The following KRT2 variants were observed in gnomAD, a reference collection of about 807,000 sequenced individuals.
The protein encoded by KRT2 is keratin 2.
A neutral mutation model predicts 48.5 loss-of-function variants in KRT2; 37 were observed. That is an observed-to-expected ratio of 0.76 (90% confidence interval 0.59 to 1.00). The LOEUF is 1.00. Ranked by LOEUF, KRT2 falls within the 50% of genes least tolerant of loss-of-function variation. The pLI, the probability that KRT2 is intolerant of heterozygous loss-of-function variation, is 0.00. For missense variants in KRT2, 880 were observed against 815.2 expected (o/e 1.08, Z -0.97); for synonymous variants, 324 against 312.2 (o/e 1.04, Z -0.40).
Position 52,644,678 on chromosome 12 carries a change from A to G in KRT2, c.*341T>C, listed in dbSNP as rs1440497767. On this transcript the variant is annotated 3_prime_UTR_variant, in exon 9 of 9. Coordinates refer to ENST00000309680, the MANE Select transcript of KRT2 (RefSeq NM_000423.3). Reference sequence around the variant, plus strand: ...CCCCCCAGCACTGCCAGGCTTAGAGATGAAATCCCTGGATGGGCCTGGGTC... The same window carrying G: ...CCCCCCAGCACTGCCAGGCTTAGAGGTGAAATCCCTGGATGGGCCTGGGTC... 11 of 370,836 alleles carry G rather than the reference A, an allele frequency of 3.0e-5. 1 individual carries two copies. In the Admixed American group the frequency reaches 4.5e-4, roughly 15 times the overall value. 23.0% of individuals were successfully genotyped at this position (370,836 alleles called of 1,614,324 possible).
intron 4 of KRT2, 21 bp downstream of exon 4, chr12:52,648,986 G>A (rs757358747): frequency 6.9e-7 from 1 of 1,443,718 alleles, no homozygotes; most frequent in Non-Finnish European, 9.8e-7. Flanking sequence ...GTAAGGGACT[G>A]TCCCGGAGCA....
chr12:52,646,938 A>G lies in KRT2; in HGVS notation c.1271T>C (p.Ile424Thr). Reference sequence around the variant, plus strand: ...CTCCCCACGCTGCTCGGCATCTGCGATGGCATCTTGCACATTCTTACACTA... The same window carrying G: ...CTCCCCACGCTGCTCGGCATCTGCGGTGGCATCTTGCACATTCTTACACTA... ...KKQCKNVQDA[I>T]ADAEQRGEHA... The change falls in exon 7 of 9, where the codon ATC (isoleucine) becomes ACC (threonine). Residue 424 changes from isoleucine (I) to threonine (T), a missense_variant. By Grantham distance (89) the Ile-to-Thr change is moderately conservative (BLOSUM62 -1). Transcript: ENST00000309680. The G allele has an allele frequency of 1.2e-6, 2 of 1,614,122 alleles. No homozygotes were observed. Among genetic ancestry groups the G allele is most frequent in the South Asian group, 2.2e-5 (2 of 91,082 alleles).
chr12:52,645,633 T>C, intron 7 of KRT2, 64 bp from the exon 8 acceptor site: 3 of 1,539,696 alleles, frequency 1.9e-6, no homozygotes, highest in Non-Finnish European at 2.7e-6. Context: ...CATGTTGTTT[T>C]ACCACTTCCA....
Position 52,645,578 on chromosome 12 carries a change from G to C in KRT2, c.1470-9C>G. On this transcript the variant is annotated splice_polypyrimidine_tract_variant and intron_variant, in intron 7 of 8. Coordinates refer to ENST00000309680, the MANE Select transcript of KRT2 (RefSeq NM_000423.3). Reference sequence around the variant, plus strand: ...TGAGGTCTCCAGACATCCTGTAAGGGAGAGAGAAAAAACAAGTTGTGGTGG... The same window carrying C: ...TGAGGTCTCCAGACATCCTGTAAGGCAGAGAGAAAAAACAAGTTGTGGTGG... 6.2e-7 allele frequency: 1 copy of C among 1,614,066 alleles called. No individual in the cohort carries two copies. The highest frequency in any genetic ancestry group is 8.5e-7 in the Non-Finnish European group (1 of 1,179,930).
intron 2 of KRT2, 36 bp downstream of exon 2, chr12:52,650,303 G>A: frequency 6.4e-7 from 1 of 1,561,512 alleles, no homozygotes. Flanking sequence ...TCAGTGCAAT[G>A]TTTATCTCCA....
At chr12:52,646,302 G>A (rs960920527) in intron 7 of KRT2, among the ~76,000 whole-genome samples, 1 of 152,136 alleles carries the variant, frequency 6.6e-6, no homozygotes, top group African/African-American at 2.4e-5. Context: ...CAAAGAACTG[G>A]GGCTGGCACC....
rs145809795 is a variant in KRT2 at position 52,646,892 on chromosome 12, C to T, written c.1317G>A (p.Arg439=). Residue 439 remains arginine (R), a synonymous_variant, in exon 7 of 9, where the codon AGG becomes AGA. Transcript: ENST00000309680. The stretch of plus-strand genomic sequence containing the variant: ...CCTCCTCCAGGTCATTCAACTTGTT[C>T]CTGGCATCCTTGAGGGCATGCTCCC... ...QRGEHALKDA[R]NKLNDLEEAL... 6 of 1,614,104 alleles carry T rather than the reference C, an allele frequency of 3.7e-6. No homozygotes were observed. In the African/African-American group the frequency reaches 5.3e-5, roughly 14 times the overall value.
intron 5 of KRT2, 112 bp downstream of exon 5, chr12:52,648,061 C>T (rs1478022852): frequency 7.5e-7 from 1 of 1,329,406 alleles, no homozygotes; most frequent in Non-Finnish European, 1.1e-6. Context: ...GGGAATGGTG[C>T]CCAACTACCA....
At position 52,649,798 on chromosome 12, in the gene KRT2, C is replaced by T; in HGVS notation, c.861+116G>A. ...AGAGAATGTGCCATGGGTCTCACTC[C>T]TTTCTCTGGCTGCTGCTTTTGCACT... On this transcript the variant is annotated intron_variant, in intron 3 of 8. Transcript: ENST00000309680. 3 of 824,512 alleles carry T rather than the reference C, an allele frequency of 3.6e-6. No homozygotes were observed. In the South Asian group the frequency reaches 4.0e-5, roughly 11 times the overall value. The allele number at this position is 824,512 out of a possible 1,614,324, so 51.1% of individuals were successfully genotyped here. A position where few individuals can be genotyped will look rare whatever the true frequency, so the allele number is the denominator to read the frequency against.
chr12:52,651,748 A>C lies in KRT2; in HGVS notation c.395T>G (p.Val132Gly), dbSNP rs746953206. ...GCCACCAGGACCCCCTAAACCTCCA[A>C]CACCACCAGGGCCCCCAAAACCTCC... ...RFGGFGGPGG[V>G]GGLGGPGGFG... The change falls in exon 1 of 9, where the codon GTT becomes GGT. Residue 132 changes from valine to glycine, a missense_variant. Physicochemically the swap from Val to Gly is moderately radical, Grantham distance 109. Transcript: ENST00000309680. 6.2e-7 allele frequency: 1 copy of C among 1,613,746 alleles called. No homozygotes were observed. Among genetic ancestry groups the C allele is most frequent in the Non-Finnish European group, 8.5e-7 (1 of 1,179,926 alleles).
Position 52,651,218 on chromosome 12 carries a change from C to T in KRT2, c.585+340G>A, listed in dbSNP as rs143328488. ...AGGAAGGAAACACTATCTCAGAAGA[C>T]GATGGCTTCCAAAACCTGCTGCTCC... On this transcript the variant is annotated intron_variant, in intron 1 of 8. Coordinates refer to ENST00000309680, the MANE Select transcript of KRT2 (RefSeq NM_000423.3). Among the ~76,000 whole-genome samples the T allele has an allele frequency of 3.0e-3, 464 of 152,344 alleles. 2 individuals are homozygous for T. The highest frequency in any genetic ancestry group is 0.011 in the African/African-American group (438 of 41,580).
Position 52,649,024 on chromosome 12 carries a change from T to C in KRT2, c.940A>G (p.Lys314Glu), listed in dbSNP as rs139316403. The C allele has an allele frequency of 9.3e-5, 150 of 1,610,278 alleles. No individual in the cohort carries two copies. In the East Asian group the frequency reaches 3.0e-3, roughly 33 times the overall value. ...CTCCTTACCGCATCATAGAGAACTT[T>C]CAGAAACTCAATTTCCTGGTTCAGC... ...DLLNQEIEFL[K>E]VLYDAEISQI... The change falls in exon 4 of 9, where the codon AAA becomes GAA. Residue 314 changes from lysine to glutamate, a missense_variant. Lys to Glu is a moderately conservative substitution (Grantham distance 56, BLOSUM62 1). Transcript: ENST00000309680.
At chr12:52,648,758 A>G (rs1373156368) in intron 4 of KRT2, among the ~76,000 whole-genome samples, 2 of 152,200 alleles carry the variant, frequency 1.3e-5, no homozygotes, top group African/African-American at 4.8e-5. Flanking sequence ...GGAAATGGAC[A>G]TCTGGGGAAT....
At chr12:52,647,641 T>A in intron 6 of KRT2, 89 bp downstream of exon 6, 1 of 1,477,922 alleles carries the variant, frequency 6.8e-7, no homozygotes. Context: ...GTGTCTCTCA[T>A]CTCTCACATG....
intron 3 of KRT2, 24 bp downstream of exon 3, chr12:52,649,890 C>A: frequency 6.2e-7 from 1 of 1,602,858 alleles, no homozygotes; most frequent in Non-Finnish European, 8.5e-7. Context: ...TCCCCACCCC[C>A]AGCCAAGACA....
chr12:52,651,425 A>G (rs1941245410), intron 1 of KRT2, 133 bp downstream of exon 1: 1 of 755,312 alleles, frequency 1.3e-6, no homozygotes, highest in Admixed American at 2.0e-5. Context: ...CCATCTGGAA[A>G]CCGCAAATGA....
chr12:52,647,916 T>G, intron 5 of KRT2, 61 bp from the exon 6 acceptor site: 1 of 1,602,492 alleles, frequency 6.2e-7, no homozygotes, highest in Non-Finnish European at 8.5e-7. Context: ...CATTCCAGAC[T>G]GACTGGAGTG....
At chr12:52,650,596 T>C (rs1253558835) in intron 1 of KRT2, 43 bp from the exon 2 acceptor site, 1 of 1,551,878 alleles carries the variant, frequency 6.4e-7, no homozygotes, top group African/African-American at 1.4e-5. Flanking sequence ...TAGATCATCC[T>C]TCACACCAAG....
rs760641107 is a variant in KRT2, at chr12:52,651,848, C to T, written c.295G>A (p.Gly99Ser). 17 of 1,603,320 alleles carry T rather than the reference C, an allele frequency of 1.1e-5. No homozygotes were observed. Among genetic ancestry groups the T allele is most frequent in the Admixed American group, 3.4e-5 (2 of 58,530 alleles). Reference sequence around the variant, plus strand: ...CCGCTGCCACCTCCAAAGCTGCTGCCGCCTCCAAAACCACCTCCTCTGCCA... The same window carrying T: ...CCGCTGCCACCTCCAAAGCTGCTGCTGCCTCCAAAACCACCTCCTCTGCCA... The part of the protein sequence containing the change: ...FGGRGGGFGG[G>S]SSFGGGSGFS... The change falls in exon 1 of 9, where the codon GGC becomes AGC. Residue 99 changes from glycine (G) to serine (S), a missense_variant. Transcript: ENST00000309680.
Sources: allele counts gnomAD v4.1 joint callset (sites outside exome capture counted in the v4.1 genomes callset), GRCh38; gene constraint gnomAD v4.1.1; transcripts MANE v1.5; gene names NCBI Gene and HGNC (gene_info 2026-07-23, HGNC 2026-07-21).